The following SPECC1 variants were observed in gnomAD, a reference collection of about 807,000 sequenced individuals.
SPECC1 encodes the protein cytospin-B.
Under a neutral mutation model 104.1 loss-of-function variants are expected in SPECC1, and 62 were observed. The observed-to-expected ratio is 0.60, with a 90% CI of 0.49 to 0.74. The LOEUF is 0.74. SPECC1 is among the 30% of genes least tolerant of loss of function. The pLI is 0.00. For synonymous variants in SPECC1, 513 were observed against 501.6 expected (o/e 1.02, Z -0.30); for missense variants, 1,306 against 1,310.5 (o/e 1.00, Z 0.05).
At chr17:20,282,326 C>T (rs1036999179) in intron 12 of SPECC1, among the ~76,000 whole-genome samples, 23 of 152,168 alleles carry the variant, frequency 1.5e-4, no homozygotes, top group African/African-American at 5.5e-4. Context: ...CTCTTGTCCA[C>T]AGAGGAGTAA....
At chr17:20,041,298 A>G (rs368952033) in intron 1 of SPECC1, among the ~76,000 whole-genome samples, 40 of 151,310 alleles carry the variant, frequency 2.6e-4, no homozygotes, top group African/African-American at 9.0e-4. Context: ...TGCAATGTGC[A>G]ATGGCGGGAT....
chr17:20,110,815 G>T (rs1395394064), intron 3 of SPECC1, among the ~76,000 whole-genome samples: 8 of 152,192 alleles, frequency 5.3e-5, no homozygotes, highest in African/African-American at 1.7e-4. Context: ...AGGTCCATTT[G>T]TCACCATGCA....
At chr17:20,046,519 T>C (rs1304265269) in intron 1 of SPECC1, among the ~76,000 whole-genome samples, 1 of 152,134 alleles carries the variant, frequency 6.6e-6, no homozygotes, top group Non-Finnish European at 1.5e-5. Flanking sequence ...CTGGAGTTTA[T>C]GTACTAGAGG....
chr17:20,231,616 TA>T, intron 5 of SPECC1, 141 bp from the exon 6 acceptor site: 2 of 715,782 alleles, frequency 2.8e-6, no homozygotes, highest in South Asian at 1.7e-5. Context: ...TTGAAATTGC[TA>T]AAAGTTGCAT....
At chr17:20,294,010 G>A (rs562032764) in intron 12 of SPECC1, among the ~76,000 whole-genome samples, 167 of 152,052 alleles carry the variant, frequency 1.1e-3, no homozygotes, top group Non-Finnish European at 1.9e-3. Flanking sequence ...TTTTTTTTGA[G>A]ACAGAATGTC....
rs1166393610 is a variant in SPECC1, at chr17:20,152,183, C to G, written c.283+41621C>G. Among the ~76,000 whole-genome samples, 8 of 152,214 alleles carry G rather than the reference C, an allele frequency of 5.3e-5. No homozygotes were observed. The East Asian group carries it at 1.4e-3, about 26-fold the overall frequency. On this transcript the variant is annotated intron_variant, in intron 3 of 14. Transcript: ENST00000395527. ...GGCATGGTAGCATGCACCTGTAATC[C>G]CAGCTACTTGGGAGGCTGAGGCACG...
At chr17:20,288,055 T>C (rs190871540) in intron 12 of SPECC1, among the ~76,000 whole-genome samples, 1 of 151,882 alleles carries the variant, frequency 6.6e-6, no homozygotes, top group Admixed American at 6.6e-5. Context: ...CTTTGTTTGG[T>C]TTTCTGTTTC....
At chr17:20,130,245 C>T (rs901935892) in intron 3 of SPECC1, among the ~76,000 whole-genome samples, 2 of 152,174 alleles carry the variant, frequency 1.3e-5, no homozygotes, top group African/African-American at 2.4e-5. Flanking sequence ...TCTATTGAAT[C>T]GCTTTTCTAC....
chr17:20,112,639 A>G (rs1409225279), intron 3 of SPECC1: 3 of 901,818 alleles, frequency 3.3e-6, no homozygotes. Context: ...TTGACTGTGC[A>G]AATCTTCAGG....
intron 3 of SPECC1, among the ~76,000 whole-genome samples, chr17:20,135,216 G>T (rs1489556140): frequency 6.6e-6 from 1 of 152,174 alleles, no homozygotes; most frequent in Non-Finnish European, 1.5e-5. Flanking sequence ...TTAATACTGT[G>T]AAAGTACTGT....
chr17:20,156,178 G>C (rs1336893476), intron 3 of SPECC1: 19 of 1,444,034 alleles, frequency 1.3e-5, no homozygotes, highest in Non-Finnish European at 1.7e-5. Context: ...AAGCCGGCTG[G>C]TGCCCGAGTC....
chr17:20,305,840 T>C (rs1479828959), intron 13 of SPECC1, 183 bp from the exon 14 acceptor site: 1 of 505,266 alleles, frequency 2.0e-6, no homozygotes, highest in Non-Finnish European at 3.4e-6. Context: ...TTAGTTTTGG[T>C]GCAGTTGCAA....
At chr17:20,113,113 G>A (rs1030806625) in intron 3 of SPECC1, 3 of 657,020 alleles carry the variant, frequency 4.6e-6, no homozygotes, top group African/African-American at 3.7e-5. Context: ...AAAATTTAGA[G>A]GATTATGCTT....
At chr17:20,164,732 C>T (rs896216112) in intron 3 of SPECC1, among the ~76,000 whole-genome samples, 2 of 152,158 alleles carry the variant, frequency 1.3e-5, no homozygotes, top group African/African-American at 4.8e-5. Flanking sequence ...TTCTTGTTCA[C>T]CACCTTTGTA....
intron 10 of SPECC1, 146 bp from the exon 11 acceptor site, chr17:20,257,305 C>A: frequency 1.1e-6 from 1 of 884,216 alleles, no homozygotes; most frequent in Non-Finnish European, 1.7e-6. Context: ...AATCCACATC[C>A]CTATTGCATT....
intron 1 of SPECC1, among the ~76,000 whole-genome samples, chr17:20,039,881 T>C (rs1799262984): frequency 6.6e-6 from 1 of 152,190 alleles, no homozygotes; most frequent in South Asian, 2.1e-4. Flanking sequence ...TATAGCTATG[T>C]TTTTAAATTA....
At chr17:20,281,706 C>G (rs900573866) in intron 12 of SPECC1, among the ~76,000 whole-genome samples, 2 of 152,132 alleles carry the variant, frequency 1.3e-5, no homozygotes, top group Non-Finnish European at 2.9e-5. Flanking sequence ...AGGAGAGGAG[C>G]CAGCAGAGCT....
intron 1 of SPECC1, among the ~76,000 whole-genome samples, chr17:20,062,195 G>A (rs1464572096): frequency 6.6e-6 from 1 of 150,770 alleles, no homozygotes; most frequent in African/African-American, 2.4e-5. Context: ...AGAGCTTGAG[G>A]TAAGCCGAGA....
At chr17:20,250,316 T>C (rs773428391) in intron 9 of SPECC1, among the ~76,000 whole-genome samples, 1 of 152,202 alleles carries the variant, frequency 6.6e-6, no homozygotes, top group Non-Finnish European at 1.5e-5. Context: ...AAAGACTATT[T>C]AAAGGAGTTC....
Sources: allele counts gnomAD v4.1 joint callset (sites outside exome capture counted in the v4.1 genomes callset), GRCh38; gene constraint gnomAD v4.1.1; transcripts MANE v1.5; gene names NCBI Gene and HGNC (gene_info 2026-07-23, HGNC 2026-07-21).